KCNT2: variants seen among roughly 807,000 people sequenced by gnomAD.
The protein encoded by KCNT2 is potassium sodium-activated channel subfamily T member 2, also known as potassium channel subfamily T member 2.
Under a neutral mutation model 153.8 loss-of-function variants are expected in KCNT2, and 67 were observed. That is an observed-to-expected ratio of 0.44 (90% CI 0.36 to 0.53). The LOEUF (loss-of-function observed/expected upper bound fraction) is 0.53. KCNT2 is among the 20% of genes least tolerant of loss of function. KCNT2 has a pLI of 0.00. For missense variants in KCNT2, 975 were observed against 1,354.8 expected (o/e 0.72, Z 4.40); for synonymous variants, 500 against 458.8 (o/e 1.09, Z -1.15).
intron 1 of KCNT2, among the ~76,000 whole-genome samples, chr1:196,605,157 C>T (rs566664794): frequency 6.6e-6 from 1 of 152,168 alleles, no homozygotes; most frequent in African/African-American, 2.4e-5. Flanking sequence ...GAACACAATT[C>T]CCCCATCATT....
At chr1:196,353,784 A>G (rs1666950383) in intron 14 of KCNT2, among the ~76,000 whole-genome samples, 1 of 151,982 alleles carries the variant, frequency 6.6e-6, no homozygotes, top group Admixed American at 6.6e-5. Flanking sequence ...TTTTTTGCGG[A>G]AATGTATTTC....
At chr1:196,341,280 C>T (rs1169351574) in intron 15 of KCNT2, among the ~76,000 whole-genome samples, 1 of 151,808 alleles carries the variant, frequency 6.6e-6, no homozygotes, top group African/African-American at 2.4e-5. Flanking sequence ...TAATACCAAG[C>T]CTGTTTTATA....
chr1:196,324,083 A>T (rs558359049), intron 19 of KCNT2, among the ~76,000 whole-genome samples: 2 of 152,026 alleles, frequency 1.3e-5, no homozygotes, highest in South Asian at 2.1e-4. Context: ...ATTCGACAAT[A>T]CTTTCGGGAA....
chr1:196,563,438 C>T, intron 1 of KCNT2, among the ~76,000 whole-genome samples: 1 of 59,308 alleles, frequency 1.7e-5, no homozygotes, highest in South Asian at 5.3e-4. Context: ...TCCCCAATAA[C>T]AAAAAAAAAA....
intron 1 of KCNT2, among the ~76,000 whole-genome samples, chr1:196,516,472 TC>T (rs1335384793): frequency 6.6e-6 from 1 of 152,040 alleles, no homozygotes; most frequent in African/African-American, 2.4e-5. Context: ...CTGGCAGCAG[TC>T]CCAAACCTCC....
intron 13 of KCNT2, among the ~76,000 whole-genome samples, chr1:196,393,807 G>A (rs1036380735): frequency 2.0e-5 from 3 of 151,484 alleles, no homozygotes; most frequent in Non-Finnish European, 4.4e-5. Context: ...GTTTCCCCAG[G>A]TGATTGTAGA....
At chr1:196,276,021 T>C (rs935340610) in intron 25 of KCNT2, among the ~76,000 whole-genome samples, 29 of 152,008 alleles carry the variant, frequency 1.9e-4, no homozygotes, top group African/African-American at 7.0e-4. Flanking sequence ...TACTTTTGCC[T>C]CTTTTAGTTG....
intron 1 of KCNT2, among the ~76,000 whole-genome samples, chr1:196,502,352 T>A (rs751083967): frequency 6.6e-5 from 10 of 152,214 alleles, no homozygotes; most frequent in Non-Finnish European, 1.3e-4. Context: ...TTAATTTTGA[T>A]GACATTTAGT....
chr1:196,347,137 T>C (rs1295569349), intron 14 of KCNT2, among the ~76,000 whole-genome samples: 1 of 152,110 alleles, frequency 6.6e-6, no homozygotes, highest in Non-Finnish European at 1.5e-5. Context: ...GTGTGAATGT[T>C]GCTGCTGTTT....
intron 21 of KCNT2, among the ~76,000 whole-genome samples, chr1:196,312,743 T>C (rs1250687574): frequency 6.6e-6 from 1 of 151,810 alleles, no homozygotes; most frequent in Non-Finnish European, 1.5e-5. Flanking sequence ...TGGTGTTCTT[T>C]AAGATACAAG....
chr1:196,235,864 G>T, intron 27 of KCNT2, 122 bp downstream of exon 27: 1 of 599,434 alleles, frequency 1.7e-6, no homozygotes, highest in Non-Finnish European at 3.0e-6. Flanking sequence ...ATAAAATTAG[G>T]TATAGACTAT....
At chr1:196,371,286 C>T (rs1273768615) in intron 14 of KCNT2, among the ~76,000 whole-genome samples, 2 of 139,530 alleles carry the variant, frequency 1.4e-5, no homozygotes, top group African/African-American at 5.4e-5. Flanking sequence ...GTCCCAGCTA[C>T]TGTGGAGGCT....
chr1:196,568,834 T>G (rs1168678866), intron 1 of KCNT2, among the ~76,000 whole-genome samples: 2 of 151,722 alleles, frequency 1.3e-5, no homozygotes, highest in Non-Finnish European at 2.9e-5. Context: ...TAGTAAATAC[T>G]GGTTGAATGC....
chr1:196,369,191 C>G (rs575504911), intron 14 of KCNT2, among the ~76,000 whole-genome samples: 3 of 152,166 alleles, frequency 2.0e-5, no homozygotes, highest in Non-Finnish European at 4.4e-5. Context: ...TCTGATAAAG[C>G]TGAAATGTAA....
At chr1:196,530,237 TAGG>T (rs1262134468) in intron 1 of KCNT2, among the ~76,000 whole-genome samples, 1 of 151,904 alleles carries the variant, frequency 6.6e-6, no homozygotes, top group African/African-American at 2.4e-5. Flanking sequence ...AACAAAATGT[TAGG>T]AGGAGATTTA....
At chr1:196,504,302 T>A (rs1680945205) in intron 1 of KCNT2, among the ~76,000 whole-genome samples, 1 of 149,660 alleles carries the variant, frequency 6.7e-6, no homozygotes, top group Admixed American at 6.7e-5. Flanking sequence ...TTCTCATTGT[T>A]CAATTCCCAC....
At chr1:196,584,137 C>A (rs964448728) in intron 1 of KCNT2, among the ~76,000 whole-genome samples, 4 of 90,260 alleles carry the variant, frequency 4.4e-5, no homozygotes, top group Admixed American at 1.3e-4. Flanking sequence ...GCAAAGAATG[C>A]GAAAACAATG....
intron 21 of KCNT2, among the ~76,000 whole-genome samples, chr1:196,312,264 A>C (rs1170301705): frequency 6.6e-6 from 1 of 151,622 alleles, no homozygotes; most frequent in African/African-American, 2.4e-5. Context: ...CTTAGGATTC[A>C]AGGAGTCTTC....
At chr1:196,326,696 T>A (rs761668280) in intron 19 of KCNT2, 21 bp downstream of exon 19, 2 of 1,406,488 alleles carry the variant, frequency 1.4e-6, no homozygotes, top group Admixed American at 2.7e-5. Context: ...ATCTTGTTTG[T>A]GTATCTTAAA....
Sources: gnomAD v4.1 joint callset for allele counts (sites outside exome capture counted in the v4.1 genomes callset) on GRCh38, gnomAD v4.1.1 for gene constraint, MANE v1.5 for transcripts, NCBI Gene and HGNC (gene_info 2026-07-23, HGNC 2026-07-21) for gene names.